The following VPS37A variants were observed in gnomAD, a reference collection of about 807,000 sequenced individuals.
VPS37A encodes vacuolar protein sorting-associated protein 37A.
VPS37A carries 30 observed loss-of-function variants against 49.8 expected under a neutral mutation model. That is an observed-to-expected ratio of 0.60 (90% CI 0.45 to 0.82). The LOEUF (loss-of-function observed/expected upper bound fraction) is 0.82. VPS37A is among the 40% of genes least tolerant of loss of function. The probability of loss-of-function intolerance (pLI) is 0.00; values close to 1 mark genes in which losing one functional copy is unlikely to be tolerated. For missense variants in VPS37A, 593 were observed against 464.4 expected (o/e 1.28, Z -2.55); for synonymous variants, 195 against 160.6 (o/e 1.21, Z -1.62).
intron 6 of VPS37A, chr8:17,279,626 C>T: frequency 3.3e-6 from 1 of 304,118 alleles, no homozygotes; most frequent in Non-Finnish European, 6.4e-6. Flanking sequence ...AACTATATTA[C>T]TGCTGTCCTA....
At chr8:17,290,110 G>A (rs1009951546) in intron 11 of VPS37A, among the ~76,000 whole-genome samples, 2 of 152,304 alleles carry the variant, frequency 1.3e-5, no homozygotes, top group African/African-American at 2.4e-5. Context: ...CTGAGACAGT[G>A]GGGTTTCCTA....
the VPS37A span, among the ~76,000 whole-genome samples, chr8:17,315,240 T>C: frequency 2.1e-4 from 32 of 152,224 alleles, 2 homozygotes; most frequent in South Asian, 6.6e-3. Context: ...AACTTTTCCT[T>C]GAAAAGGCTA....
intron 2 of VPS37A, among the ~76,000 whole-genome samples, chr8:17,266,647 T>C (rs1813485110): frequency 6.6e-6 from 1 of 152,214 alleles, no homozygotes; most frequent in African/African-American, 2.4e-5. Flanking sequence ...AGGAACCTTA[T>C]CATATTCACC....
the VPS37A span, chr8:17,331,177 T>A: frequency 6.2e-7 from 1 of 1,612,530 alleles, no homozygotes; most frequent in Non-Finnish European, 8.5e-7. Context: ...AGACTGTTCC[T>A]CATGACATGG....
chr8:17,330,992 G>C, the VPS37A span, among the ~76,000 whole-genome samples: 1 of 152,170 alleles, frequency 6.6e-6, no homozygotes, highest in Non-Finnish European at 1.5e-5. Context: ...ACAAATAAGA[G>C]AAACGTTCTT....
downstream of VPS37A, among the ~76,000 whole-genome samples, chr8:17,306,501 T>C (rs1398308793): frequency 6.6e-6 from 1 of 152,222 alleles, no homozygotes; most frequent in Non-Finnish European, 1.5e-5. Context: ...ACATGTATTT[T>C]TCTTTTATCT....
At chr8:17,307,635 C>CT in the VPS37A span, among the ~76,000 whole-genome samples, 3 of 152,288 alleles carry the variant, frequency 2.0e-5, no homozygotes, top group African/African-American at 7.2e-5. Context: ...TGGAACCAAC[C>CT]TATATGTCCA....
intron 5 of VPS37A, among the ~76,000 whole-genome samples, chr8:17,275,844 G>C (rs550278877): frequency 4.7e-4 from 72 of 152,146 alleles, no homozygotes; most frequent in African/African-American, 1.6e-3. Flanking sequence ...AAGTGGACTT[G>C]GTTTTTCCAA....
chr8:17,285,217 T>C (rs928029460), intron 10 of VPS37A, among the ~76,000 whole-genome samples: 1 of 152,166 alleles, frequency 6.6e-6, no homozygotes, highest in African/African-American at 2.4e-5. Flanking sequence ...ACTTGCTTTT[T>C]CTGAGTATAC....
At chr8:17,327,954 A>C in the VPS37A span, among the ~76,000 whole-genome samples, 1 of 152,252 alleles carries the variant, frequency 6.6e-6, no homozygotes, top group Non-Finnish European at 1.5e-5. Context: ...AATCTCATAC[A>C]ATCATTTAAA....
chr8:17,307,250 G>A (rs1181108888), downstream of VPS37A, among the ~76,000 whole-genome samples: 3 of 152,162 alleles, frequency 2.0e-5, no homozygotes, highest in Admixed American at 2.0e-4. Context: ...CTTCTCAAAA[G>A]AAGACATTTA....
At chr8:17,294,857 C>G (rs1816501262) in intron 11 of VPS37A, 130 bp from the exon 12 acceptor site, 1 of 152,308 alleles carries the variant, frequency 6.6e-6, no homozygotes, top group East Asian at 1.9e-4. Flanking sequence ...GAGCTGCAGA[C>G]TGGAGCTGTT....
chr8:17,247,645 T>G (rs1324430272), intron 1 of VPS37A: 1 of 704,038 alleles, frequency 1.4e-6, no homozygotes, highest in African/African-American at 1.7e-5. Flanking sequence ...TCTCTCAATC[T>G]CTCTCATAGT....
chr8:17,331,428 G>T, the VPS37A span: 2 of 796,324 alleles, frequency 2.5e-6, no homozygotes, highest in African/African-American at 3.5e-5. Context: ...CTGCAACCTT[G>T]TACTGAACTA....
chr8:17,319,466 C>T, the VPS37A span, among the ~76,000 whole-genome samples: 1 of 152,202 alleles, frequency 6.6e-6, no homozygotes, highest in Non-Finnish European at 1.5e-5. Context: ...AAGTGATCAA[C>T]AGCAGAAAGA....
downstream of VPS37A, chr8:17,302,222 T>C: frequency 6.2e-7 from 1 of 1,614,120 alleles, no homozygotes; most frequent in East Asian, 2.2e-5. Context: ...AGGTAATCTG[T>C]AACTGACTGT....
At chr8:17,247,419 G>C in intron 1 of VPS37A, 50 bp downstream of exon 1, 4 of 446,068 alleles carry the variant, frequency 9.0e-6, no homozygotes, top group Non-Finnish European at 1.3e-5. Context: ...GTGGGAGGGC[G>C]GGCTTGTCCT....
At chr8:17,255,480 TTAAA>T (rs1411437355) in intron 1 of VPS37A, among the ~76,000 whole-genome samples, 5 of 143,050 alleles carry the variant, frequency 3.5e-5, no homozygotes, top group Admixed American at 7.4e-5. Context: ...AGACTTCGTC[TTAAA>T]TATATATATG....
intron 4 of VPS37A, 94 bp from the exon 5 acceptor site, chr8:17,274,639 G>A: frequency 1.1e-6 from 1 of 908,022 alleles, no homozygotes; most frequent in South Asian, 1.7e-5. Flanking sequence ...CATCTATATA[G>A]TACTTGACCT....
Sources: allele counts gnomAD v4.1 joint callset (sites outside exome capture counted in the v4.1 genomes callset), GRCh38; gene constraint gnomAD v4.1.1; transcripts MANE v1.5; gene names NCBI Gene and HGNC (gene_info 2026-07-23, HGNC 2026-07-21).